Variants in TEX26 observed in about 807,000 individuals in gnomAD.
TEX26 encodes testis-expressed protein 26.
A neutral mutation model predicts 35.3 loss-of-function variants in TEX26; 34 were observed. That is an observed-to-expected ratio of 0.96 (90% confidence interval 0.73 to 1.28). The LOEUF (loss-of-function observed/expected upper bound fraction) is 1.28. Ranked by LOEUF, TEX26 falls within the 50% of genes most tolerant of loss-of-function variation. TEX26 has a pLI of 0.00. For synonymous variants in TEX26, 136 were observed against 111.8 expected (o/e 1.22, Z -1.36); for missense variants, 371 against 330.1 (o/e 1.12, Z -0.96).
At chr13:30,947,307 C>T (rs1953748107) in intron 2 of TEX26, among the ~76,000 whole-genome samples, 1 of 152,080 alleles carries the variant, frequency 6.6e-6, no homozygotes, top group South Asian at 2.1e-4. Flanking sequence ...CTGCACTCAG[C>T]ATCAATTTTT....
At chr13:30,939,030 T>C (rs2138176032) in intron 1 of TEX26, among the ~76,000 whole-genome samples, 1 of 152,364 alleles carries the variant, frequency 6.6e-6, no homozygotes, top group East Asian at 1.9e-4. Flanking sequence ...GGAGGAGTTT[T>C]CTATCACACA....
chr13:30,957,884 G>A (rs191394075), intron 4 of TEX26, among the ~76,000 whole-genome samples: 3 of 152,234 alleles, frequency 2.0e-5, no homozygotes, highest in Admixed American at 6.5e-5. Context: ...TCAGAGATAC[G>A]GGAGTAATAG....
At chr13:30,969,180 A>AAT (rs1555271208) in intron 6 of TEX26, 134 bp downstream of exon 6, 5 of 836,332 alleles carry the variant, frequency 6.0e-6, no homozygotes, top group Non-Finnish European at 8.9e-6. Flanking sequence ...AAAAAAAAAA[A>AAT]CTCATAGTGT....
intron 6 of TEX26, 22 bp downstream of exon 6, chr13:30,969,068 C>A: frequency 6.2e-7 from 1 of 1,602,786 alleles, no homozygotes. Flanking sequence ...TCTTATTTCA[C>A]ACACTTACAG....
At position 30,975,414 on chromosome 13, in the gene TEX26, T is replaced by G. The variant is rs1010584517; in HGVS notation, c.*507T>G. ...AAAAATTATAGTTTATTGTATTTTTTAATCCCTTATATCTTTAATTGTATA... is the reference window on the plus strand; with the variant it reads ...AAAAATTATAGTTTATTGTATTTTTGAATCCCTTATATCTTTAATTGTATA... On this transcript the variant is annotated 3_prime_UTR_variant, in exon 7 of 7. Coordinates refer to ENST00000380473, the MANE Select transcript of TEX26 (RefSeq NM_152325.3). The G allele has an allele frequency of 1.3e-5, 2 of 152,226 alleles. No homozygotes were observed. The highest frequency in any genetic ancestry group is 2.9e-5 in the Non-Finnish European group (2 of 68,028). The allele number at this position is 152,226 out of a possible 1,614,324, so 9.4% of individuals were successfully genotyped here.
chr13:30,933,144 T>C (rs2138143630), intron 1 of TEX26: 1 of 179,686 alleles, frequency 5.6e-6, no homozygotes, highest in South Asian at 1.7e-4. Flanking sequence ...GAACAGGTCC[T>C]GCCTGAGTCC....
rs547445194 is a variant in TEX26 at position 30,962,629 on chromosome 13, G to A, written c.470-3593G>A. 2.4e-4 allele frequency among the ~76,000 whole-genome samples: 36 copies of A among 152,300 alleles called. 1 individual carries two copies. The highest frequency in any genetic ancestry group is 2.2e-3 in the Admixed American group (33 of 15,292). ...TAATCTAAGCTTCTGAAGAACAAGG[G>A]CCATGTCTTAGCTTTTTATCCTCAT... On this transcript the variant is annotated intron_variant, in intron 4 of 6. Transcript: ENST00000380473.
chr13:30,972,699 A>G (rs1954754537), intron 6 of TEX26, among the ~76,000 whole-genome samples: 1 of 152,226 alleles, frequency 6.6e-6, no homozygotes, highest in Admixed American at 6.5e-5. Flanking sequence ...CAGTGGCGTG[A>G]TATTGGCTCA....
intron 4 of TEX26, among the ~76,000 whole-genome samples, chr13:30,964,953 ATTAAG>A (rs1954476175): frequency 6.6e-6 from 1 of 152,174 alleles, no homozygotes; most frequent in African/African-American, 2.4e-5. Context: ...TGCATTAGGG[ATTAAG>A]TTTGCTTTTG....
chr13:30,974,686 G>T, intron 6 of TEX26, 160 bp from the exon 7 acceptor site: 1 of 572,956 alleles, frequency 1.7e-6, no homozygotes, highest in Non-Finnish European at 3.0e-6. Flanking sequence ...AACTGTGCCT[G>T]TTTAGGTATT....
intron 4 of TEX26, among the ~76,000 whole-genome samples, chr13:30,962,211 A>G (rs1175621166): frequency 6.6e-6 from 1 of 152,174 alleles, no homozygotes; most frequent in African/African-American, 2.4e-5. Flanking sequence ...AACTGATGTC[A>G]CTTTATGGAT....
At chr13:30,968,807 A>C (rs1954623050) in intron 5 of TEX26, 78 bp from the exon 6 acceptor site, 2 of 1,430,456 alleles carry the variant, frequency 1.4e-6, no homozygotes, top group Admixed American at 4.2e-5. Context: ...TGTCAGGGTC[A>C]TTTTCAAACA....
intron 6 of TEX26, among the ~76,000 whole-genome samples, chr13:30,969,722 C>A (rs1473967651): frequency 6.6e-6 from 1 of 152,154 alleles, no homozygotes; most frequent in Non-Finnish European, 1.5e-5. Flanking sequence ...TATTCCCCCT[C>A]ATTTGTGAGT....
intron 1 of TEX26, among the ~76,000 whole-genome samples, chr13:30,939,493 T>C (rs938982222): frequency 6.6e-6 from 1 of 152,246 alleles, no homozygotes; most frequent in African/African-American, 2.4e-5. Flanking sequence ...AGTAGAACTA[T>C]CTTTTATTTT....
chr13:30,946,330 C>G (rs893998102), intron 2 of TEX26, among the ~76,000 whole-genome samples: 1 of 151,612 alleles, frequency 6.6e-6, no homozygotes, highest in South Asian at 2.1e-4. Context: ...CTTTAGAAAA[C>G]TTTTTATTCA....
intron 1 of TEX26, among the ~76,000 whole-genome samples, chr13:30,937,926 C>T (rs1446655987): frequency 6.6e-6 from 1 of 152,162 alleles, no homozygotes; most frequent in Non-Finnish European, 1.5e-5. Context: ...TCACAGATAA[C>T]AGGAACCATA....
intron 1 of TEX26, chr13:30,936,592 T>A: frequency 5.2e-6 from 4 of 769,148 alleles, no homozygotes; most frequent in Non-Finnish European, 6.3e-6. Context: ...CTGTGACACA[T>A]AGGACATCAG....
intron 3 of TEX26, 124 bp from the exon 4 acceptor site, chr13:30,956,749 T>G (rs574401823): frequency 1.2e-6 from 1 of 832,268 alleles, no homozygotes; most frequent in East Asian, 2.6e-5. Context: ...CCAGCATCCA[T>G]GCACCTGCAG....
Position 30,969,034 on chromosome 13 carries a change from C to T in TEX26, c.796C>T (p.Leu266Phe), listed in dbSNP as rs1332119794. ...SSQVKEYLQS[L>F]SYKDRQIIDR... ...TCAAGTCAAAGAGTACCTTCAGAGT[C>T]TTTCCTACAAAGGTAAGATGAGGTC... Residue 266 changes from leucine to phenylalanine, a missense_variant, in exon 6 of 7, where the codon CTT (leucine) becomes TTT (phenylalanine). Transcript: ENST00000380473. 6.2e-7 allele frequency: 1 copy of T among 1,613,144 alleles called. No homozygotes were observed. Among genetic ancestry groups the T allele is most frequent in the Admixed American group, 1.7e-5 (1 of 59,942 alleles).
Sources: allele counts gnomAD v4.1 joint callset (sites outside exome capture counted in the v4.1 genomes callset), GRCh38; gene constraint gnomAD v4.1.1; transcripts MANE v1.5; gene names NCBI Gene and HGNC (gene_info 2026-07-23, HGNC 2026-07-21).